The following MAPKAP1 variants were observed in gnomAD, a reference collection of about 807,000 sequenced individuals.
The protein encoded by MAPKAP1 is target of rapamycin complex 2 subunit MAPKAP1.
Under a neutral mutation model 65.7 loss-of-function variants are expected in MAPKAP1, and 20 were observed. The observed-to-expected ratio is 0.30, with a 90% CI of 0.21 to 0.44. MAPKAP1 has a LOEUF of 0.44. MAPKAP1 is among the 20% of genes least tolerant of loss of function. The pLI is 1.00. For missense variants in MAPKAP1, 423 were observed against 648.0 expected (o/e 0.65, Z 3.77); for synonymous variants, 222 against 244.3 (o/e 0.91, Z 0.85).
At chr9:125,613,614 C>T (rs1396312261) in intron 4 of MAPKAP1, among the ~76,000 whole-genome samples, 2 of 152,118 alleles carry the variant, frequency 1.3e-5, no homozygotes, top group South Asian at 2.1e-4. Context: ...CACACAGATG[C>T]TAATCCAGAA....
chr9:125,687,725 C>T (rs2131838632), intron 1 of MAPKAP1, among the ~76,000 whole-genome samples: 1 of 152,026 alleles, frequency 6.6e-6, no homozygotes, highest in Admixed American at 6.5e-5. Context: ...TTCAAGGTTA[C>T]AGTGAGCATG....
chr9:125,579,317 G>C (rs1339578872), intron 5 of MAPKAP1, among the ~76,000 whole-genome samples: 2 of 152,146 alleles, frequency 1.3e-5, no homozygotes, highest in Non-Finnish European at 2.9e-5. Context: ...TTGAGACAAA[G>C]TTTTGCTCTT....
intron 4 of MAPKAP1, among the ~76,000 whole-genome samples, chr9:125,641,302 A>T (rs1833570597): frequency 6.6e-6 from 1 of 152,214 alleles, no homozygotes; most frequent in South Asian, 2.1e-4. Flanking sequence ...CAAGTAGTCA[A>T]TGGCTTTTCT....
Position 125,447,591 on chromosome 9 carries a change from G to A in MAPKAP1, c.1346-2993C>T, listed in dbSNP as rs10986761. 7.1e-6 allele frequency: 3 copies of A among 424,748 alleles called. No individual in the cohort carries two copies. The East Asian group carries it at 2.2e-4, about 30-fold the overall frequency. The allele number at this position is 424,748 out of a possible 1,614,324, so 26.3% of individuals were successfully genotyped here. ...CTGCCCCGAGTTCCCCTCGCTAGCA[G>A]CCCTGTTTCGCTGGGCGGCCAGAAG... On this transcript the variant is annotated intron_variant, in intron 10 of 11. Coordinates refer to ENST00000265960, the MANE Select transcript of MAPKAP1 (RefSeq NM_001006617.3). This position sits in a 1 kb window ranked among gnomAD's most constrained non-coding sequence, Gnocchi z 4.5.
chr9:125,525,545 T>C (rs559968445), intron 7 of MAPKAP1, among the ~76,000 whole-genome samples: 1 of 151,990 alleles, frequency 6.6e-6, no homozygotes, highest in East Asian at 1.9e-4. Context: ...CGGTGGCGCA[T>C]GCCTGTAATC....
intron 7 of MAPKAP1, among the ~76,000 whole-genome samples, chr9:125,516,702 A>G (rs1329421196): frequency 6.6e-6 from 1 of 152,234 alleles, no homozygotes; most frequent in African/African-American, 2.4e-5. Flanking sequence ...TCTGGAGTCA[A>G]AAAGACTTGG....
intron 9 of MAPKAP1, among the ~76,000 whole-genome samples, chr9:125,470,031 T>A (rs1277778818): frequency 6.6e-6 from 1 of 152,098 alleles, no homozygotes; most frequent in African/African-American, 2.4e-5. Context: ...TATGTGAAAA[T>A]AAACCGTGCT....
At chr9:125,626,037 G>C (rs150489405) in intron 4 of MAPKAP1, among the ~76,000 whole-genome samples, 1 of 152,096 alleles carries the variant, frequency 6.6e-6, no homozygotes, top group African/African-American at 2.4e-5. Flanking sequence ...AGGACTGAAC[G>C]TCTACATTTT....
intron 4 of MAPKAP1, among the ~76,000 whole-genome samples, chr9:125,657,300 C>A (rs1564604748): frequency 6.6e-6 from 1 of 151,764 alleles, no homozygotes; most frequent in Non-Finnish European, 1.5e-5. Context: ...CCCTTTCTCT[C>A]ATATATATAT....
chr9:125,696,518 A>G (rs186088724), intron 1 of MAPKAP1: 1 of 152,288 alleles, frequency 6.6e-6, no homozygotes, highest in East Asian at 1.9e-4. Context: ...ATTCAAGCAG[A>G]CAAAACTAGT....
chr9:125,490,772 A>T (rs1189135586), intron 8 of MAPKAP1, among the ~76,000 whole-genome samples: 1 of 152,210 alleles, frequency 6.6e-6, no homozygotes, highest in African/African-American at 2.4e-5. Flanking sequence ...ATGAAAATCC[A>T]GGTGTCTTCT....
rs954540738 is a variant in MAPKAP1 at position 125,595,323 on chromosome 9, G to A, written c.499-9596C>T. 6.6e-6 allele frequency among the ~76,000 whole-genome samples: 1 copy of A among 151,914 alleles called. No homozygotes were observed. The highest frequency in any genetic ancestry group is 1.5e-5 in the Non-Finnish European group (1 of 67,976). On this transcript the variant is annotated intron_variant, in intron 4 of 11. Coordinates refer to ENST00000265960, the MANE Select transcript of MAPKAP1 (RefSeq NM_001006617.3). The surrounding 1 kb of genome is among the most constrained non-coding windows in gnomAD (Gnocchi z 4.0). Reference sequence around the variant, plus strand: ...CAATTAATAATTAGCTCATAAAATGGGTAAACTTAAAAATCTAAAATAACT... The same window carrying A: ...CAATTAATAATTAGCTCATAAAATGAGTAAACTTAAAAATCTAAAATAACT...
At chr9:125,576,870 A>T (rs923166742) in intron 5 of MAPKAP1, among the ~76,000 whole-genome samples, 2 of 151,798 alleles carry the variant, frequency 1.3e-5, no homozygotes, top group African/African-American at 4.8e-5. Context: ...GGCTCGTTAC[A>T]ACCTCCACCT....
In MAPKAP1 at chr9:125,672,619, C is replaced by T. The variant is rs1432077213; in HGVS notation, c.-45G>A. On this transcript the variant is annotated 5_prime_UTR_variant, in exon 2 of 12. An upstream start codon of the reference 5' UTR is lost. Transcript: ENST00000265960. ...CCTTAAAAGGCTATTTTCTCCTCTT[C>T]ATATTGTTTCACGAGCTCACCTACC... 6.3e-7 allele frequency: 1 copy of T among 1,599,222 alleles called. No homozygotes were observed. The highest frequency in any genetic ancestry group is 8.5e-7 in the Non-Finnish European group (1 of 1,170,600).
Position 125,458,698 on chromosome 9 carries a change from C to T in MAPKAP1, c.1345+9274G>A, listed in dbSNP as rs530883525. Among the ~76,000 whole-genome samples the T allele has an allele frequency of 1.1e-3, 168 of 149,852 alleles. 1 individual carries two copies. Among genetic ancestry groups the T allele is most frequent in the African/African-American group, 3.8e-3 (156 of 40,636 alleles). ...CCTTTCTATTCCACAAAACCGCCAT[C>T]GTCATCCTGGCCTGTTCTCAATGAG... On this transcript the variant is annotated intron_variant, in intron 10 of 11. Transcript: ENST00000265960.
chr9:125,546,970 T>C (rs919358390), intron 6 of MAPKAP1, among the ~76,000 whole-genome samples: 1 of 152,096 alleles, frequency 6.6e-6, no homozygotes, highest in African/African-American at 2.4e-5. Context: ...CACGGCTCCT[T>C]GGGCTGTCCA....
intron 7 of MAPKAP1, among the ~76,000 whole-genome samples, chr9:125,507,264 C>T (rs765992511): frequency 1.6e-4 from 24 of 152,264 alleles, no homozygotes; most frequent in East Asian, 1.2e-3. Flanking sequence ...TAACACATAA[C>T]GGGTCCAATG....
At position 125,456,910 on chromosome 9, in the gene MAPKAP1, GGGCAATTTGTTTTGT is replaced by G. The variant is rs1853184035; in HGVS notation, c.1345+11047_1345+11061del. Among the ~76,000 whole-genome samples the G allele has an allele frequency of 2.0e-5, 3 of 152,050 alleles. No individual in the cohort carries two copies. The South Asian group carries it at 6.2e-4, about 32-fold the overall frequency. On this transcript the variant is annotated intron_variant, in intron 10 of 11. Coordinates refer to ENST00000265960, the MANE Select transcript of MAPKAP1 (RefSeq NM_001006617.3). ...TGCTGTTTTAAGCCACTATGTTTTGGGGCAATTTGTTTTGTGGCAATAGATAAGTAATGCACTGAT... is the reference window on the plus strand; with the variant it reads ...TGCTGTTTTAAGCCACTATGTTTTGGGGCAATAGATAAGTAATGCACTGAT...
chr9:125,559,706 A>G lies in MAPKAP1; in HGVS notation c.775T>C (p.Phe259Leu). ...TTTTCAACCAGGGCCAAAGTACTGAAGCCAAACTTATGAATGGGCTCATTG... is the reference window on the plus strand; with the variant it reads ...TTTTCAACCAGGGCCAAAGTACTGAGGCCAAACTTATGAATGGGCTCATTG... ...DSNEPIHKFG[F>L]STLALVEKYS... Residue 259 changes from phenylalanine (F) to leucine (L), a missense_variant, in exon 6 of 12, where the codon TTC becomes CTC. Physicochemically the swap from Phe to Leu is conservative, Grantham distance 22 (BLOSUM62 0). This residue lies in a region of MAPKAP1 where 98 missense variants were observed against 200.5 expected (regional missense o/e 0.49). Coordinates refer to ENST00000265960, the MANE Select transcript of MAPKAP1 (RefSeq NM_001006617.3). 1 of 1,614,020 alleles carries G rather than the reference A, an allele frequency of 6.2e-7. No homozygotes were observed. The highest frequency in any genetic ancestry group is 8.5e-7 in the Non-Finnish European group (1 of 1,179,898).
Sources: gnomAD v4.1 joint callset for allele counts (sites outside exome capture counted in the v4.1 genomes callset) on GRCh38, gnomAD v4.1.1 for gene constraint, gnomAD v4.1.1 regional missense constraint, Gnocchi (gnomAD v3.1) non-coding constraint, MANE v1.5 for transcripts, NCBI Gene and HGNC (gene_info 2026-07-23, HGNC 2026-07-21) for gene names.